Variants in SLC10A4 observed in about 807,000 individuals in gnomAD.
The protein encoded by SLC10A4 is putative sodium/bile acid cotransporter 4.
SLC10A4 carries 17 observed loss-of-function variants against 22.5 expected under a neutral mutation model. That is an observed-to-expected ratio of 0.76 (90% CI 0.52 to 1.14). The LOEUF (loss-of-function observed/expected upper bound fraction) is 1.14, where lower values mean the gene tolerates loss of function less well. Ranked by LOEUF, SLC10A4 falls within the 50% of genes most tolerant of loss-of-function variation. The probability of loss-of-function intolerance (pLI) is 0.00; values close to 1 mark genes in which losing one functional copy is unlikely to be tolerated. For missense variants in SLC10A4, 548 were observed against 584.0 expected, an observed-to-expected ratio of 0.94 and a Z score of 0.64; for synonymous variants, 257 against 258.2, an observed-to-expected ratio of 1.00 and a Z score of 0.04.
In SLC10A4 at chr4:48,484,063, G is replaced by T. The variant is rs777724620; in HGVS notation, c.502G>T (p.Ala168Ser). The change falls in exon 1 of 3, where the codon GCC becomes TCC. Residue 168 changes from alanine to serine, a missense_variant. By Grantham distance (99) the Ala-to-Ser change is moderately conservative. This residue lies in a region of SLC10A4 where 314 missense variants were observed against 353.2 expected (regional missense o/e 0.89). Transcript: ENST00000273861. Reference sequence around the variant, plus strand: ...CGCCTTCAAGCTGGACGAGGTGGCCGCCGTGGCGGTGCTCCTGTGTGGCTG... The same window carrying T: ...CGCCTTCAAGCTGGACGAGGTGGCCTCCGTGGCGGTGCTCCTGTGTGGCTG... ...ALAFKLDEVA[A>S]VAVLLCGCCP... 1 of 1,603,792 alleles carries T rather than the reference G, an allele frequency of 6.2e-7. No homozygotes were observed.
At chr4:48,484,239 G>A in intron 1 of SLC10A4, 88 bp downstream of exon 1, 1 of 1,329,500 alleles carries the variant, frequency 7.5e-7, no homozygotes, top group Non-Finnish European at 1.0e-6. Flanking sequence ...AGAGGCAGTG[G>A]AGGGGTTGGA....
chr4:48,488,535 G>A lies in SLC10A4; in HGVS notation c.910G>A (p.Ala304Thr). 1.2e-6 allele frequency: 2 copies of A among 1,613,906 alleles called. No homozygotes were observed. The highest frequency in any genetic ancestry group is 1.3e-5 in the African/African-American group (1 of 74,932). Reference protein sequence around the residue: ...ASIPAAVYVIAIFMPLAGYAS... With the variant: ...ASIPAAVYVITIFMPLAGYAS... ...TATCCCTGCAGCTGTTTATGTGATA[G>A]CAATTTTTATGCCTTTGGCAGGCTA... is the stretch of plus-strand genomic sequence containing the variant. Residue 304 changes from alanine (A) to threonine (T), a missense_variant, in exon 3 of 3, where the codon GCA (alanine) becomes ACA (threonine). By Grantham distance (58) the Ala-to-Thr change is moderately conservative. Transcript: ENST00000273861.
chr4:48,486,023 G>T (rs1014350450), intron 2 of SLC10A4, among the ~76,000 whole-genome samples: 15 of 152,292 alleles, frequency 9.8e-5, no homozygotes, highest in African/African-American at 3.6e-4. Flanking sequence ...GCTGACTTCA[G>T]GTAATTAATC....
At position 48,483,591 on chromosome 4, in the gene SLC10A4, C is replaced by T. The variant is rs1200157482; in HGVS notation, c.30C>T (p.Leu10=). MDGNDNVTL[L]FAPLLRDNYT... Reference sequence around the variant, plus strand: ...ACGGCAACGACAACGTGACCCTGCTCTTCGCCCCTCTGCTGCGGGACAACT... The same window carrying T: ...ACGGCAACGACAACGTGACCCTGCTTTTCGCCCCTCTGCTGCGGGACAACT... The change falls in exon 1 of 3, where the codon CTC becomes CTT. Residue 10 remains leucine, a synonymous_variant. Coordinates refer to ENST00000273861, the MANE Select transcript of SLC10A4 (RefSeq NM_152679.4). The surrounding 1 kb of genome is among the most constrained non-coding windows in gnomAD (Gnocchi z 5.4). The T allele has an allele frequency of 1.3e-6, 2 of 1,505,620 alleles. No homozygotes were observed. Among genetic ancestry groups the T allele is most frequent in the Admixed American group, 2.1e-5 (1 of 47,650 alleles). 93.3% of individuals were successfully genotyped at this position (1,505,620 alleles called of 1,614,324 possible). A position where few individuals can be genotyped will look rare whatever the true frequency, so the allele number is the denominator to read the frequency against.
At chr4:48,488,231 C>T (rs1718314963) in intron 2 of SLC10A4, among the ~76,000 whole-genome samples, 196 bp from the exon 3 acceptor site, 1 of 150,256 alleles carries the variant, frequency 6.7e-6, no homozygotes, top group African/African-American at 2.5e-5. Flanking sequence ...AAGGACAGGC[C>T]TCCAAACAAT....
intron 2 of SLC10A4, 56 bp from the exon 3 acceptor site, chr4:48,488,371 G>T: frequency 6.8e-7 from 1 of 1,475,432 alleles, no homozygotes. Flanking sequence ...CGTGAGCTTA[G>T]GATTCTCTCG....
chr4:48,487,115 C>A (rs1296951450), intron 2 of SLC10A4, among the ~76,000 whole-genome samples: 1 of 152,096 alleles, frequency 6.6e-6, no homozygotes, highest in Non-Finnish European at 1.5e-5. Flanking sequence ...CCTTACAATT[C>A]ATACAGACTG....
chr4:48,485,020 C>G lies in SLC10A4; in HGVS notation c.679C>G (p.Pro227Ala). The G allele has an allele frequency of 6.2e-7, 1 of 1,614,130 alleles. No individual in the cohort carries two copies. The highest frequency in any genetic ancestry group is 2.2e-5 in the East Asian group (1 of 44,874). ...CTACAGCTGGGCTTGGATCAACACC[C>G]CTATCGTGCAGTTACTACCCCTAGG... The part of the protein sequence containing the change: ...WIYSWAWINT[P>A]IVQLLPLGTV... The change falls in exon 2 of 3, where the codon CCT (proline) becomes GCT (alanine). Residue 227 changes from proline (P) to alanine (A), a missense_variant. Physicochemically the swap from Pro to Ala is conservative, Grantham distance 27. This residue lies in a region of SLC10A4 where 314 missense variants were observed against 353.2 expected (regional missense o/e 0.89). Transcript: ENST00000273861.
Position 48,488,598 on chromosome 4 carries a change from C to T in SLC10A4, c.973C>T (p.Pro325Ser). 6.2e-7 allele frequency: 1 copy of T among 1,614,044 alleles called. No individual in the cohort carries two copies. The highest frequency in any genetic ancestry group is 8.5e-7 in the Non-Finnish European group (1 of 1,180,004). The change falls in exon 3 of 3, where the codon CCA becomes TCA. Residue 325 changes from proline to serine, a missense_variant. By Grantham distance (74) the Pro-to-Ser change is moderately conservative. Coordinates refer to ENST00000273861, the MANE Select transcript of SLC10A4 (RefSeq NM_152679.4). Reference sequence around the variant, plus strand: ...TGGTTTAGCTACTCTCTTCCATCTTCCACCCAACTGCAAGAGGACTGTATG... The same window carrying T: ...TGGTTTAGCTACTCTCTTCCATCTTTCACCCAACTGCAAGAGGACTGTATG... ...GYGLATLFHL[P>S]PNCKRTVCLE...
At chr4:48,484,264 A>C in intron 1 of SLC10A4, 113 bp downstream of exon 1, 1 of 1,104,098 alleles carries the variant, frequency 9.1e-7, no homozygotes, top group Non-Finnish European at 1.3e-6. Context: ...GGCGTGGAGG[A>C]AGGAGGAGAA....
Position 48,483,652 on chromosome 4 carries a change from G to C in SLC10A4, c.91G>C (p.Gly31Arg). ...GCCCAATGCCAGCAGCCTGGGCCCC[G>C]GCACGGACCTCGCCCTCGCCCCTGC... ...LAPNASSLGP[G>R]TDLALAPASS... Residue 31 changes from glycine to arginine, a missense_variant, in exon 1 of 3, where the codon GGC becomes CGC. By Grantham distance (125) the Gly-to-Arg change is moderately radical. Transcript: ENST00000273861. This position sits in a 1 kb window ranked among gnomAD's most constrained non-coding sequence, Gnocchi z 5.4. The C allele has an allele frequency of 6.7e-7, 1 of 1,488,432 alleles. No homozygotes were observed. Among genetic ancestry groups the C allele is most frequent in the Non-Finnish European group, 8.9e-7 (1 of 1,123,958 alleles). 92.2% of individuals were successfully genotyped at this position (1,488,432 alleles called of 1,614,324 possible). A position where few individuals can be genotyped will look rare whatever the true frequency, so the allele number is the denominator to read the frequency against.
chr4:48,484,133 A>T lies in SLC10A4; in HGVS notation c.572A>T (p.Asp191Val). The T allele has an allele frequency of 6.3e-7, 1 of 1,580,666 alleles. No individual in the cohort carries two copies. The highest frequency in any genetic ancestry group is 8.6e-7 in the Non-Finnish European group (1 of 1,160,472). ...NLSNLMSLLV[D>V]GDMNLSIIMT... ...TCCAATCTTATGTCCCTGCTGGTTG[A>T]CGGCGACATGAACCTCAGGTACGGA... Residue 191 changes from aspartate (D) to valine (V), a missense_variant, in exon 1 of 3, where the codon GAC becomes GTC. Asp to Val is a radical substitution (Grantham distance 152). Around this residue, in one of 3 missense-constraint regions of SLC10A4, gnomAD observed 314 missense variants for 353.2 expected, o/e 0.89. Coordinates refer to ENST00000273861, the MANE Select transcript of SLC10A4 (RefSeq NM_152679.4).
At position 48,488,873 on chromosome 4, in the gene SLC10A4, CACTT is replaced by C; in HGVS notation, c.1249_1252del (p.Thr417ProfsTer5). The C allele has an allele frequency of 6.2e-7, 1 of 1,613,448 alleles. No homozygotes were observed. Among genetic ancestry groups the C allele is most frequent in the Non-Finnish European group, 8.5e-7 (1 of 1,179,936 alleles). On this transcript the variant is annotated frameshift_variant, in exon 3 of 3. Coordinates refer to ENST00000273861, the MANE Select transcript of SLC10A4 (RefSeq NM_152679.4). LOFTEE classifies it high-confidence loss of function. ...AACTAAAAGAAGAGGAAATGGCAGA[CACTT>C]CCTATGGCACAGTGAAAGCAGAAAA... is the stretch of plus-strand genomic sequence containing the variant.
rs184059459 is a variant in SLC10A4, at chr4:48,483,975, C to T, written c.414C>T (p.Gly138=). Residue 138 remains glycine (G), a synonymous_variant, in exon 1 of 3, where the codon GGC becomes GGT. Coordinates refer to ENST00000273861, the MANE Select transcript of SLC10A4 (RefSeq NM_152679.4). This position sits in a 1 kb window ranked among gnomAD's most constrained non-coding sequence, Gnocchi z 5.4. The part of the protein sequence containing the change: ...HFGAHVRRPV[G]ALLAALCQFG... ...GGGCGCACGTCCGTCGGCCCGTGGG[C>T]GCGCTGCTGGCAGCGCTCTGCCAGT... 1.2e-4 allele frequency: 182 copies of T among 1,555,228 alleles called. 1 individual carries two copies. The African/African-American group carries it at 2.3e-3, about 20-fold the overall frequency.
rs35831946 is a variant in SLC10A4, at chr4:48,487,788, C to CTTTTTTT, written c.802-614_802-608dup. On this transcript the variant is annotated intron_variant, in intron 2 of 2. Coordinates refer to ENST00000273861, the MANE Select transcript of SLC10A4 (RefSeq NM_152679.4). Reference sequence around the variant, plus strand: ...TTGAAGGCTATTTTTTTTTGAAGAGCTTTTTTTTTTTTTTTTTTTTTTTTT... The same window carrying CTTTTTTT: ...TTGAAGGCTATTTTTTTTTGAAGAGCTTTTTTTTTTTTTTTTTTTTTTTTTTTTTTTT... Among the ~76,000 whole-genome samples the CTTTTTTT allele has an allele frequency of 3.3e-4, 13 of 39,800 alleles. 3 individuals carry two copies. The highest frequency in any genetic ancestry group is 7.8e-4 in the Admixed American group (2 of 2,548). 26.1% of individuals were successfully genotyped at this position (39,800 alleles called of 152,430 possible).
chr4:48,487,080 G>A (rs527622177), intron 2 of SLC10A4, among the ~76,000 whole-genome samples: 1 of 151,608 alleles, frequency 6.6e-6, no homozygotes, highest in South Asian at 2.1e-4. Context: ...GAAGGAGAAC[G>A]AGGAGAGGAA....
In SLC10A4 at chr4:48,489,198, T is replaced by A; in HGVS notation, c.*259T>A. 1 of 346,372 alleles carries A rather than the reference T, an allele frequency of 2.9e-6. No homozygotes were observed. The highest frequency in any genetic ancestry group is 5.2e-6 in the Non-Finnish European group (1 of 193,088). The allele number at this position is 346,372 out of a possible 1,614,324, so 21.5% of individuals were successfully genotyped here. On this transcript the variant is annotated 3_prime_UTR_variant, in exon 3 of 3. Coordinates refer to ENST00000273861, the MANE Select transcript of SLC10A4 (RefSeq NM_152679.4). The stretch of plus-strand genomic sequence containing the variant: ...GTTTTTAGTTTTTACCATCACCAAT[T>A]TCTATGACTGTTGCAAATACAGAAT...
Position 48,485,130 on chromosome 4 carries a change from C to T in SLC10A4, c.789C>T (p.Asp263=). 6.2e-7 allele frequency: 1 copy of T among 1,614,084 alleles called. No homozygotes were observed. The highest frequency in any genetic ancestry group is 8.5e-7 in the Non-Finnish European group (1 of 1,180,002). Reference sequence around the variant, plus strand: ...GCTACAAATACAGCCGGGTGGCTGACTACATTGTGAAGGTAAGGCCCCCTC... The same window carrying T: ...GCTACAAATACAGCCGGGTGGCTGATTACATTGTGAAGGTAAGGCCCCCTC... ...FIRYKYSRVA[D]YIVKVSLWSL... is the part of the protein sequence containing the mutation. Residue 263 remains aspartate (D), a synonymous_variant, in exon 2 of 3, where the codon GAC becomes GAT. Transcript: ENST00000273861.
At position 48,483,585 on chromosome 4, in the gene SLC10A4, C is replaced by T; in HGVS notation, c.24C>T (p.Thr8=). MDGNDNV[T]LLFAPLLRDN... is the part of the protein sequence containing the mutation. The stretch of plus-strand genomic sequence containing the variant: ...CCATGGACGGCAACGACAACGTGAC[C>T]CTGCTCTTCGCCCCTCTGCTGCGGG... The change falls in exon 1 of 3, where the codon ACC becomes ACT. Residue 8 remains threonine, a synonymous_variant. Transcript: ENST00000273861. This position sits in a 1 kb window ranked among gnomAD's most constrained non-coding sequence, Gnocchi z 5.4. 1 of 1,507,166 alleles carries T rather than the reference C, an allele frequency of 6.6e-7. No homozygotes were observed. Among genetic ancestry groups the T allele is most frequent in the South Asian group, 1.2e-5 (1 of 81,230 alleles). The allele number at this position is 1,507,166 out of a possible 1,614,324, so 93.4% of individuals were successfully genotyped here.
Sources: allele counts gnomAD v4.1 joint callset (sites outside exome capture counted in the v4.1 genomes callset), GRCh38; gene constraint gnomAD v4.1.1; regional missense constraint gnomAD v4.1.1; non-coding constraint Gnocchi (gnomAD v3.1); transcripts MANE v1.5; gene names NCBI Gene and HGNC (gene_info 2026-07-23, HGNC 2026-07-21).